SNAPC4: variants seen among roughly 807,000 people sequenced by gnomAD.
The protein encoded by SNAPC4 is snRNA-activating protein complex subunit 4.
SNAPC4 carries 127 observed loss-of-function variants against 151.3 expected under a neutral mutation model. The observed-to-expected ratio is 0.84, with a 90% CI of 0.73 to 0.97. SNAPC4 has a LOEUF of 0.97. Among genes scored for constraint, SNAPC4 ranks in the 50% least tolerant of loss-of-function variants. The probability of loss-of-function intolerance (pLI) is 0.00; values close to 1 mark genes in which losing one functional copy is unlikely to be tolerated. For synonymous variants in SNAPC4, 1,002 were observed against 824.4 expected (o/e 1.22, Z -3.69); for missense variants, 2,186 against 1,935.0 (o/e 1.13, Z -2.43).
chr9:136,377,705 G>T lies in SNAPC4; in HGVS notation c.4122C>A (p.Leu1374=). 3 of 1,609,236 alleles carry T rather than the reference G, an allele frequency of 1.9e-6. No homozygotes were observed. The highest frequency in any genetic ancestry group is 2.5e-6 in the Non-Finnish European group (3 of 1,177,626). The change falls in exon 22 of 24, where the codon CTC becomes CTA. Residue 1374 remains leucine, a synonymous_variant. Transcript: ENST00000684778. ...LRARFLAAFT[L]PALLATLAPQ... ...GGGCCAGGGTGGCCAGGAGCGCAGGGAGGGTGAAGGCTGCCAGGAACCGCG... is the reference window on the plus strand; with the variant it reads ...GGGCCAGGGTGGCCAGGAGCGCAGGTAGGGTGAAGGCTGCCAGGAACCGCG...
In SNAPC4 at chr9:136,398,412, T is replaced by C. The variant is rs767616720; in HGVS notation, c.17A>G (p.Glu6Gly). 1 of 1,613,514 alleles carries C rather than the reference T, an allele frequency of 6.2e-7. No individual in the cohort carries two copies. Among genetic ancestry groups the C allele is most frequent in the African/African-American group, 1.3e-5 (1 of 74,906 alleles). The change falls in exon 2 of 24, where the codon GAA becomes GGA. Residue 6 changes from glutamate to glycine, a missense_variant. Coordinates refer to ENST00000684778, the MANE Select transcript of SNAPC4 (RefSeq NM_003086.4). ...GATCTCCTGTGTTATCTTCTCTCTT[T>C]CAGCATCTACATCCATGACTCCCGC... MDVDAEREKITQEIKE... is the reference protein window; with the variant it reads MDVDAGREKITQEIKE...
Position 136,389,724 on chromosome 9 carries a change from G to A in SNAPC4, c.976-1133C>T, listed in dbSNP as rs180965634. Among the ~76,000 whole-genome samples, 142 of 152,300 alleles carry A rather than the reference G, an allele frequency of 9.3e-4. No homozygotes were observed. The East Asian group carries it at 0.021, about 22-fold the overall frequency. On this transcript the variant is annotated intron_variant, in intron 10 of 23. Transcript: ENST00000684778. ...TTCTCACACCCATCCCAAGCCTGCC[G>A]AAGGAGTTGGGAAGGCAAAGGACTG...
In SNAPC4 at chr9:136,379,828, CAG is replaced by C. The variant is rs753884820; in HGVS notation, c.2527+7_2527+8del. The C allele has an allele frequency of 6.6e-5, 106 of 1,613,112 alleles. 3 individuals carry two copies. In the South Asian group the frequency reaches 9.4e-4, roughly 14 times the overall value. ...TCTCTTCCCCACCAGGGCAGAGAAG[CAG>C]AGTTACCTGGGGTGCTCTGGGCACT... On this transcript the variant is annotated splice_region_variant and intron_variant, in intron 21 of 23. Transcript: ENST00000684778.
chr9:136,384,777 G>C lies in SNAPC4; in HGVS notation c.1363C>G (p.Arg455Gly). ...RRLHFSLKKGRWNLKEEEQLI... is the reference protein window; with the variant it reads ...RRLHFSLKKGGWNLKEEEQLI... ...TGTTCCTCTTCTTTTAAATTCCACC[G>C]ACCCTTTTTCAAGCTGAAATGTAAT... The change falls in exon 14 of 24, where the codon CGG becomes GGG. Residue 455 changes from arginine (R) to glycine (G), a missense_variant. Physicochemically the swap from Arg to Gly is moderately radical, Grantham distance 125. Transcript: ENST00000684778. The C allele has an allele frequency of 6.3e-7, 1 of 1,594,760 alleles. No homozygotes were observed. The highest frequency in any genetic ancestry group is 1.7e-5 in the Admixed American group (1 of 57,966).
intron 19 of SNAPC4, 123 bp downstream of exon 19, chr9:136,381,199 T>C: frequency 2.5e-6 from 2 of 804,186 alleles, no homozygotes; most frequent in Admixed American, 2.0e-5. Flanking sequence ...GAAAAGTGCA[T>C]TTTCAAGGCT....
chr9:136,381,540 C>T, intron 18 of SNAPC4, 148 bp from the exon 19 acceptor site: 1 of 748,136 alleles, frequency 1.3e-6, no homozygotes, highest in South Asian at 1.7e-5. Flanking sequence ...GAACCAGCAC[C>T]CCACAGCCAC....
At chr9:136,380,001 C>A (rs762839705) in intron 20 of SNAPC4, 137 bp from the exon 21 acceptor site, 2 of 1,402,956 alleles carry the variant, frequency 1.4e-6, no homozygotes, top group Non-Finnish European at 2.0e-6. Context: ...GCCTCCCACA[C>A]GCCTCTGTAG....
intron 14 of SNAPC4, among the ~76,000 whole-genome samples, chr9:136,384,311 T>C (rs1833816022): frequency 6.6e-6 from 1 of 152,158 alleles, no homozygotes. Context: ...CCCCCCAGGC[T>C]TCCGCACCAG....
intron 8 of SNAPC4, 31 bp downstream of exon 8, chr9:136,392,642 C>A: frequency 6.2e-7 from 1 of 1,612,814 alleles, no homozygotes; most frequent in Non-Finnish European, 8.5e-7. Context: ...CTTGTGGGCT[C>A]CCCTGGGCCC....
rs1833796920 is a variant in SNAPC4, at chr9:136,383,810, C to T, written c.1501-142G>A. On this transcript the variant is annotated intron_variant, in intron 15 of 23. Coordinates refer to ENST00000684778, the MANE Select transcript of SNAPC4 (RefSeq NM_003086.4). This position sits in a 1 kb window ranked among gnomAD's most constrained non-coding sequence, Gnocchi z 4.2. Reference sequence around the variant, plus strand: ...GCAGCCGCTGCCGAGGCAGGGTCTCCCTTTGCCCTTGGCCACCCAGAAGAA... The same window carrying T: ...GCAGCCGCTGCCGAGGCAGGGTCTCTCTTTGCCCTTGGCCACCCAGAAGAA... The T allele has an allele frequency of 7.3e-7, 1 of 1,363,040 alleles. No individual in the cohort carries two copies. The highest frequency in any genetic ancestry group is 1.4e-5 in the African/African-American group (1 of 69,482). 84.4% of individuals were successfully genotyped at this position (1,363,040 alleles called of 1,614,324 possible).
At chr9:136,387,070 G>C (rs1169424366) in intron 13 of SNAPC4, among the ~76,000 whole-genome samples, 1 of 152,220 alleles carries the variant, frequency 6.6e-6, no homozygotes, top group African/African-American at 2.4e-5. Flanking sequence ...TTAAATGAAC[G>C]CATCGCATGG....
rs1214301242 is a variant in SNAPC4, at chr9:136,381,941, C to T, written c.2200G>A (p.Ala734Thr). The T allele has an allele frequency of 1.7e-5, 28 of 1,612,734 alleles. No individual in the cohort carries two copies. Among genetic ancestry groups the T allele is most frequent in the Non-Finnish European group, 2.2e-5 (26 of 1,179,976 alleles). ...TQSGQRRWRH[A>T]LHRRLLNRRL... The stretch of plus-strand genomic sequence containing the variant: ...CGGTTCAGGAGCCTCCGGTGCAGAG[C>T]GTGTCTCCAGCGCCGCTGCCCACTC... Residue 734 changes from alanine to threonine, a missense_variant, in exon 18 of 24, where the codon GCT becomes ACT. Transcript: ENST00000684778.
rs1365696414 is a variant in SNAPC4 at position 136,392,013 on chromosome 9, C to G, written c.904G>C (p.Glu302Gln). The G allele has an allele frequency of 1.2e-6, 2 of 1,611,670 alleles. No homozygotes were observed. Among genetic ancestry groups the G allele is most frequent in the Non-Finnish European group, 1.7e-6 (2 of 1,179,998 alleles). The change falls in exon 10 of 24, where the codon GAG becomes CAG. Residue 302 changes from glutamate (E) to glutamine (Q), a missense_variant. Physicochemically the swap from Glu to Gln is conservative, Grantham distance 29 (BLOSUM62 2). Transcript: ENST00000684778. ...GCCGCGATCGCCTGCAGCCGCTCCT[C>G]CTCCTCCCTGCTCCACTCCTGCTTG... ...INKQEWSREE[E>Q]ERLQAIAAAH...
At chr9:136,396,319 G>A (rs1834272180) in intron 3 of SNAPC4, among the ~76,000 whole-genome samples, 1 of 152,252 alleles carries the variant, frequency 6.6e-6, no homozygotes. Flanking sequence ...GAAAAAGGAA[G>A]CAGCAAATCG....
At position 136,377,539 on chromosome 9, in the gene SNAPC4, C is replaced by G. The variant is rs1833493592; in HGVS notation, c.4284+4G>C. On this transcript the variant is annotated splice_donor_region_variant and intron_variant, in intron 22 of 23. Transcript: ENST00000684778. ...GGGGAAGTGGGGCTGGGCGCCCACC[C>G]TACCTGAATGGGGCATGTGGCTGTC... The G allele has an allele frequency of 6.6e-7, 1 of 1,506,668 alleles. No homozygotes were observed. Among genetic ancestry groups the G allele is most frequent in the Non-Finnish European group, 8.9e-7 (1 of 1,127,218 alleles). The allele number at this position is 1,506,668 out of a possible 1,614,324, so 93.3% of individuals were successfully genotyped here. A position where few individuals can be genotyped will look rare whatever the true frequency, so the allele number is the denominator to read the frequency against.
At chr9:136,398,485 G>T in intron 1 of SNAPC4, 48 bp from the exon 2 acceptor site, 1 of 1,591,094 alleles carries the variant, frequency 6.3e-7, no homozygotes, top group Admixed American at 1.7e-5. Context: ...GACCGTGCCG[G>T]GATCCCATTC....
At chr9:136,377,210 G>A (rs376304008) in intron 22 of SNAPC4, among the ~76,000 whole-genome samples, 11 of 152,328 alleles carry the variant, frequency 7.2e-5, no homozygotes, top group East Asian at 5.8e-4. Flanking sequence ...TGTGTGTGGC[G>A]TGTGCGGCTC....
Position 136,387,787 on chromosome 9 carries a change from C to G in SNAPC4, c.1185G>C (p.Leu395Phe). The G allele has an allele frequency of 6.2e-7, 1 of 1,613,058 alleles. No individual in the cohort carries two copies. Among genetic ancestry groups the G allele is most frequent in the African/African-American group, 1.3e-5 (1 of 75,010 alleles). ...AGTAACCCTTCTTCAGACCAGGATC[C>G]AAGCTCTTGGTCCATCGGTAGATCA... ...MQLIYRWTKS[L>F]DPGLKKGYWA... The change falls in exon 12 of 24, where the codon TTG (leucine) becomes TTC (phenylalanine). Residue 395 changes from leucine (L) to phenylalanine (F), a missense_variant. By Grantham distance (22) the Leu-to-Phe change is conservative. Coordinates refer to ENST00000684778, the MANE Select transcript of SNAPC4 (RefSeq NM_003086.4).
rs1452289101 is a variant in SNAPC4, at chr9:136,377,817, G to T, written c.4010C>A (p.Ala1337Asp). 1 of 1,611,462 alleles carries T rather than the reference G, an allele frequency of 6.2e-7. No homozygotes were observed. The highest frequency in any genetic ancestry group is 1.7e-5 in the Admixed American group (1 of 59,978). ...KATSLVVGGE[A>D]ERPAGALQAS... Reference sequence around the variant, plus strand: ...TTGCAGTGCTCCGGCCGGCCGCTCAGCCTCGCCCCCCACCACCAGGGAGGT... The same window carrying T: ...TTGCAGTGCTCCGGCCGGCCGCTCATCCTCGCCCCCCACCACCAGGGAGGT... The change falls in exon 22 of 24, where the codon GCT becomes GAT. Residue 1337 changes from alanine (A) to aspartate (D), a missense_variant. Transcript: ENST00000684778.
Sources: allele counts gnomAD v4.1 joint callset (sites outside exome capture counted in the v4.1 genomes callset), GRCh38; gene constraint gnomAD v4.1.1; non-coding constraint Gnocchi (gnomAD v3.1); transcripts MANE v1.5; gene names NCBI Gene and HGNC (gene_info 2026-07-23, HGNC 2026-07-21).